Variants in COL22A1 observed in about 807,000 individuals in gnomAD.
COL22A1 encodes collagen type XXII alpha 1 chain, also known as collagen alpha-1(XXII) chain.
In COL22A1, 221 loss-of-function variants were observed where a neutral mutation model predicts 248.9. The ratio of observed to expected loss-of-function variants is 0.89; its 90% CI spans 0.80 to 0.99. The LOEUF is 0.99. Among genes scored for constraint, COL22A1 ranks in the 50% least tolerant of loss-of-function variants. The probability of loss-of-function intolerance (pLI) is 0.00; values close to 1 mark genes in which losing one functional copy is unlikely to be tolerated. For missense variants in COL22A1, 2,240 were observed against 2,179.0 expected (o/e 1.03, Z -0.56); for synonymous variants, 891 against 793.4 (o/e 1.12, Z -2.07).
At chr8:138,773,440 GA>G (rs1834559682) in intron 16 of COL22A1, among the ~76,000 whole-genome samples, 1 of 152,116 alleles carries the variant, frequency 6.6e-6, no homozygotes, top group African/African-American at 2.4e-5. Context: ...CTGTCCTTTG[GA>G]GTGGGGGGTC....
chr8:138,678,090 T>TTGCCTGGA (rs1229643557), intron 40 of COL22A1, among the ~76,000 whole-genome samples: 1 of 152,216 alleles, frequency 6.6e-6, no homozygotes, highest in Non-Finnish European at 1.5e-5. Flanking sequence ...AGTACAACCG[T>TTGCCTGGA]TGCCTGGATG....
chr8:138,774,582 C>A (rs1436492253), intron 16 of COL22A1, among the ~76,000 whole-genome samples: 1 of 152,042 alleles, frequency 6.6e-6, no homozygotes, highest in East Asian at 1.9e-4. Context: ...CCAAGCCCGG[C>A]TAATTTTTGT....
chr8:138,741,604 G>A (rs1057280272), intron 22 of COL22A1, among the ~76,000 whole-genome samples: 3 of 152,232 alleles, frequency 2.0e-5, no homozygotes, highest in African/African-American at 7.2e-5. Flanking sequence ...AGAGAGTGAT[G>A]AGAATGAGGA....
At chr8:138,812,599 T>C (rs1345211775) in intron 8 of COL22A1, among the ~76,000 whole-genome samples, 2 of 152,140 alleles carry the variant, frequency 1.3e-5, no homozygotes, top group African/African-American at 2.4e-5. Flanking sequence ...CCCAGGGCAC[T>C]GCGGCCTCTC....
intron 30 of COL22A1, among the ~76,000 whole-genome samples, chr8:138,705,969 A>T (rs1828399476): frequency 6.6e-6 from 1 of 152,208 alleles, no homozygotes; most frequent in Non-Finnish European, 1.5e-5. Flanking sequence ...AAAAAAAACC[A>T]GGGGTTGCAA....
At chr8:138,877,647 T>TGGAGCCGGCCGTA in intron 3 of COL22A1, 103 bp downstream of exon 3, 1 of 1,241,848 alleles carries the variant, frequency 8.1e-7, no homozygotes, top group Non-Finnish European at 1.1e-6. Flanking sequence ...CCCGCCTTCC[T>TGGAGCCGGCCGTA]GGAGCCGGCC....
At chr8:138,834,079 C>T (rs1286262397) in intron 4 of COL22A1, among the ~76,000 whole-genome samples, 1 of 152,190 alleles carries the variant, frequency 6.6e-6, no homozygotes, top group Non-Finnish European at 1.5e-5. Context: ...TTTCTGCAGA[C>T]CAGGTTCTCA....
chr8:138,604,358 C>T (rs562519063), intron 59 of COL22A1, among the ~76,000 whole-genome samples: 1 of 152,180 alleles, frequency 6.6e-6, no homozygotes, highest in South Asian at 2.1e-4. Context: ...ATTAGAGGAT[C>T]ACTGCAGTGT....
At chr8:138,760,680 A>C (rs576460983) in intron 17 of COL22A1, among the ~76,000 whole-genome samples, 43 of 152,216 alleles carry the variant, frequency 2.8e-4, no homozygotes, top group African/African-American at 9.6e-4. Flanking sequence ...AGAGCTGAGG[A>C]CTGGTGAGGC....
intron 31 of COL22A1, among the ~76,000 whole-genome samples, chr8:138,701,197 C>T (rs5025363): frequency 0.21 from 31,461 of 151,946 alleles, 3,458 homozygotes; most frequent in African/African-American, 0.27. Context: ...ATTTGGGTCC[C>T]CATGTTATTC....
intron 48 of COL22A1, among the ~76,000 whole-genome samples, chr8:138,635,924 G>A (rs1246802545): frequency 6.6e-6 from 1 of 152,140 alleles, no homozygotes; most frequent in Non-Finnish European, 1.5e-5. Flanking sequence ...TGCCCTCACT[G>A]AACTGCAAGC....
intron 47 of COL22A1, among the ~76,000 whole-genome samples, chr8:138,644,088 C>A (rs935236984): frequency 1.3e-5 from 2 of 151,996 alleles, no homozygotes; most frequent in Non-Finnish European, 2.9e-5. Flanking sequence ...GACCCCTATG[C>A]AATATTTTAA....
At chr8:138,623,505 C>G (rs763735111) in intron 52 of COL22A1, among the ~76,000 whole-genome samples, 8 of 152,046 alleles carry the variant, frequency 5.3e-5, no homozygotes, top group Non-Finnish European at 7.4e-5. Context: ...CTGTCACCAG[C>G]CCATCATGTG....
intron 46 of COL22A1, among the ~76,000 whole-genome samples, chr8:138,647,166 C>T (rs1822274146): frequency 6.6e-6 from 1 of 152,150 alleles, no homozygotes. Context: ...TGATCTCACT[C>T]AAGCAGCTCT....
At chr8:138,799,156 T>G (rs1586769043) in intron 11 of COL22A1, among the ~76,000 whole-genome samples, 1 of 152,212 alleles carries the variant, frequency 6.6e-6, no homozygotes, top group African/African-American at 2.4e-5. Context: ...AACTTACATT[T>G]GGTTCTTTAT....
intron 34 of COL22A1, 142 bp from the exon 35 acceptor site, chr8:138,693,841 G>C (rs1827277489): frequency 1.2e-6 from 1 of 825,324 alleles, no homozygotes. Context: ...CGTCTAAAAG[G>C]TGAAGAAAAT....
chr8:138,676,749 T>C lies in COL22A1; in HGVS notation c.3073-114A>G, dbSNP rs1825589727. 11 of 760,782 alleles carry C rather than the reference T, an allele frequency of 1.4e-5. No individual in the cohort carries two copies. In the South Asian group the frequency reaches 2.0e-4, roughly 14 times the overall value. 47.1% of individuals were successfully genotyped at this position (760,782 alleles called of 1,614,324 possible). A position where few individuals can be genotyped will look rare whatever the true frequency, so the allele number is the denominator to read the frequency against. ...CTGACTGCAGGCTTCTCCTGCCACC[T>C]GGCCTCCATGGGCCATGCTATAGTC... is the stretch of plus-strand genomic sequence containing the variant. On this transcript the variant is annotated intron_variant, in intron 40 of 64. Coordinates refer to ENST00000303045, the MANE Select transcript of COL22A1 (RefSeq NM_152888.3).
chr8:138,620,996 C>A (rs4988700), intron 52 of COL22A1, among the ~76,000 whole-genome samples: 1 of 31,442 alleles, frequency 3.2e-5, no homozygotes. Context: ...CATCCATCCA[C>A]CCATCCATCC....
intron 23 of COL22A1, among the ~76,000 whole-genome samples, chr8:138,734,613 G>A (rs1830969720): frequency 6.6e-6 from 1 of 152,168 alleles, no homozygotes; most frequent in African/African-American, 2.4e-5. Flanking sequence ...GGAAGACAGT[G>A]TGGCAATTCC....
Sources: gnomAD v4.1 joint callset for allele counts (sites outside exome capture counted in the v4.1 genomes callset) on GRCh38, gnomAD v4.1.1 for gene constraint, MANE v1.5 for transcripts, NCBI Gene and HGNC (gene_info 2026-07-23, HGNC 2026-07-21) for gene names.